The following RNF20 variants were observed in gnomAD, a reference collection of about 807,000 sequenced individuals.
RNF20 encodes the protein ring finger protein 20, also known as E3 ubiquitin-protein ligase BRE1A.
Under a neutral mutation model 126.2 loss-of-function variants are expected in RNF20, and 84 were observed. That is an observed-to-expected ratio of 0.67 (90% CI 0.56 to 0.80). RNF20 has a LOEUF of 0.80. Ranked by LOEUF, RNF20 falls within the 30% of genes least tolerant of loss-of-function variation. The pLI, the probability that RNF20 is intolerant of heterozygous loss-of-function variation, is 0.00. For synonymous variants in RNF20, 400 were observed against 414.3 expected, an observed-to-expected ratio of 0.97 and a Z score of 0.42; for missense variants, 869 against 1,188.2, an observed-to-expected ratio of 0.73 and a Z score of 3.95.
rs112340281 is a variant in RNF20, at chr9:101,554,248, A to G, written c.2019+143A>G. On this transcript the variant is annotated intron_variant, in intron 14 of 19. Coordinates refer to ENST00000389120, the MANE Select transcript of RNF20 (RefSeq NM_019592.7). ...AACATTTTCTGCCTTTTCAAAGACC[A>G]TCTGAAGTAGAGATTTTAAAACTCT... is the stretch of plus-strand genomic sequence containing the variant. The G allele has an allele frequency of 7.5e-5, 42 of 561,732 alleles. No homozygotes were observed. The African/African-American group carries it at 7.9e-4, about 11-fold the overall frequency. The allele number at this position is 561,732 out of a possible 1,614,324, so 34.8% of individuals were successfully genotyped here.
chr9:101,562,064 A>T (rs773523707), intron 19 of RNF20, 53 bp downstream of exon 19: 1 of 1,380,884 alleles, frequency 7.2e-7, no homozygotes, highest in Non-Finnish European at 1.0e-6. Context: ...TAAGTGGCCT[A>T]ATAGACTGGG....
chr9:101,550,895 G>C (rs1173050389), intron 10 of RNF20, 110 bp downstream of exon 10: 42 of 1,014,450 alleles, frequency 4.1e-5, no homozygotes, highest in South Asian at 5.2e-5. Flanking sequence ...GTCATTCATA[G>C]AGTGGCAGTA....
At chr9:101,557,154 T>C (rs535236362) in intron 15 of RNF20, among the ~76,000 whole-genome samples, 101 of 152,356 alleles carry the variant, frequency 6.6e-4, no homozygotes, top group African/African-American at 2.3e-3. Context: ...TATTGTCTAA[T>C]TTAACTGACG....
intron 5 of RNF20, 146 bp downstream of exon 5, chr9:101,541,121 C>T: frequency 1.8e-6 from 1 of 544,242 alleles, no homozygotes; most frequent in Non-Finnish European, 2.9e-6. Flanking sequence ...CTGTGTCACC[C>T]AGGCTGGAAC....
At chr9:101,553,320 T>G (rs182790990) in intron 13 of RNF20, among the ~76,000 whole-genome samples, 4 of 152,220 alleles carry the variant, frequency 2.6e-5, no homozygotes, top group Non-Finnish European at 5.9e-5. Context: ...ATAACTTCTC[T>G]GGCAGAACGG....
intron 13 of RNF20, among the ~76,000 whole-genome samples, chr9:101,553,776 A>T (rs1213452296): frequency 6.6e-6 from 1 of 152,180 alleles, no homozygotes; most frequent in Non-Finnish European, 1.5e-5. Flanking sequence ...TGAAGGGAGA[A>T]ATGATTCATT....
chr9:101,538,161 T>C (rs1191886424), intron 2 of RNF20, among the ~76,000 whole-genome samples: 1 of 151,946 alleles, frequency 6.6e-6, no homozygotes, highest in African/African-American at 2.4e-5. Context: ...GTGTTTGAAA[T>C]TGAGCTTATA....
chr9:101,541,034 A>C, intron 5 of RNF20, 59 bp downstream of exon 5: 4 of 1,375,800 alleles, frequency 2.9e-6, no homozygotes, highest in Non-Finnish European at 4.0e-6. Flanking sequence ...TCATTTTTGC[A>C]TGCTAATTTG....
chr9:101,554,719 A>G lies in RNF20; in HGVS notation c.2045A>G (p.Lys682Arg), dbSNP rs1827505486. Reference sequence around the variant, plus strand: ...TTGGAAGATCTAAGGCAAAGACTCAAGGATCTGGAAGATAAAGAGAAGAAA... The same window carrying G: ...TTGGAAGATCTAAGGCAAAGACTCAGGGATCTGGAAGATAAAGAGAAGAAA... Reference protein sequence around the residue: ...AELEDLRQRLKDLEDKEKKEN... With the variant: ...AELEDLRQRLRDLEDKEKKEN... The change falls in exon 15 of 20, where the codon AAG becomes AGG. Residue 682 changes from lysine (K) to arginine (R), a missense_variant. By Grantham distance (26) the Lys-to-Arg change is conservative. Transcript: ENST00000389120. The G allele has an allele frequency of 1.2e-6, 2 of 1,610,684 alleles. No individual in the cohort carries two copies. The highest frequency in any genetic ancestry group is 1.7e-6 in the Non-Finnish European group (2 of 1,177,824).
At chr9:101,553,338 C>G (rs1041511604) in intron 13 of RNF20, among the ~76,000 whole-genome samples, 1 of 152,182 alleles carries the variant, frequency 6.6e-6, no homozygotes, top group African/African-American at 2.4e-5. Flanking sequence ...CGGCTTACTT[C>G]TTGCTCCTTA....
chr9:101,561,492 C>T, intron 18 of RNF20: 1 of 453,784 alleles, frequency 2.2e-6, no homozygotes, highest in Non-Finnish European at 3.9e-6. Flanking sequence ...AGCATAGCAG[C>T]AGTAGAGGAT....
chr9:101,545,022 A>C (rs1293796042), intron 6 of RNF20, 137 bp downstream of exon 6: 2 of 657,752 alleles, frequency 3.0e-6, no homozygotes, highest in Non-Finnish European at 5.5e-6. Flanking sequence ...ACACAACACA[A>C]CTCCAAACCT....
chr9:101,550,964 C>T (rs1827435455), intron 10 of RNF20, among the ~76,000 whole-genome samples, 179 bp downstream of exon 10: 1 of 152,186 alleles, frequency 6.6e-6, no homozygotes, highest in African/African-American at 2.4e-5. Context: ...TTCCTGCCCT[C>T]ACAGATCTTG....
At chr9:101,556,539 A>G (rs911919416) in intron 15 of RNF20, among the ~76,000 whole-genome samples, 2 of 152,196 alleles carry the variant, frequency 1.3e-5, no homozygotes, top group East Asian at 3.8e-4. Flanking sequence ...TGATTTCCAA[A>G]TGGATCATAG....
chr9:101,537,193 T>G (rs1827197882), intron 2 of RNF20, among the ~76,000 whole-genome samples: 1 of 152,228 alleles, frequency 6.6e-6, no homozygotes, highest in South Asian at 2.1e-4. Context: ...ACAGAGTTTT[T>G]GCTATAGGAG....
intron 2 of RNF20, among the ~76,000 whole-genome samples, chr9:101,539,226 A>G (rs75632424): frequency 0.042 from 6,370 of 152,272 alleles, 184 homozygotes; most frequent in South Asian, 0.079. Flanking sequence ...ATATTTCTAG[A>G]CAAATTATAA....
At chr9:101,553,897 TA>T in intron 13 of RNF20, 90 bp from the exon 14 acceptor site, 1 of 697,524 alleles carries the variant, frequency 1.4e-6, no homozygotes, top group South Asian at 2.0e-5. Flanking sequence ...GAAACTGTTT[TA>T]AAATATTCTG....
rs1564109206 is a variant in RNF20, at chr9:101,547,434, A to C, written c.1008A>C (p.Lys336Asn). 6.2e-7 allele frequency: 1 copy of C among 1,614,206 alleles called. No homozygotes were observed. The highest frequency in any genetic ancestry group is 8.5e-7 in the Non-Finnish European group (1 of 1,180,014). Residue 336 changes from lysine to asparagine, a missense_variant, in exon 9 of 20, where the codon AAA becomes AAC. Physicochemically the swap from Lys to Asn is moderately conservative, Grantham distance 94. Transcript: ENST00000389120. The part of the protein sequence containing the change: ...EEMNAELEEN[K>N]ELAQNRLCEL... ...TGAATGCAGAGCTTGAGGAGAACAA[A>C]GAGTTGGCTCAGAACCGTCTCTGTG... is the stretch of plus-strand genomic sequence containing the variant.
At chr9:101,559,246 A>G (rs998244322) in intron 16 of RNF20, among the ~76,000 whole-genome samples, 1 of 152,136 alleles carries the variant, frequency 6.6e-6, no homozygotes, top group Admixed American at 6.5e-5. Flanking sequence ...ATTCTGTTAC[A>G]TTGGTTTACA....
Sources: allele counts gnomAD v4.1 joint callset (sites outside exome capture counted in the v4.1 genomes callset), GRCh38; gene constraint gnomAD v4.1.1; transcripts MANE v1.5; gene names NCBI Gene and HGNC (gene_info 2026-07-23, HGNC 2026-07-21).